The following PRSS23 variants were observed in gnomAD, a reference collection of about 807,000 sequenced individuals.
PRSS23 encodes the protein protease, serine 23.
A neutral mutation model predicts 34.7 loss-of-function variants in PRSS23; 25 were observed. The ratio of observed to expected loss-of-function variants is 0.72; its 90% confidence interval spans 0.53 to 1.01. The LOEUF is 1.01. Among genes scored for constraint, PRSS23 ranks in the 50% least tolerant of loss-of-function variants. The pLI, the probability that PRSS23 is intolerant of heterozygous loss-of-function variation, is 0.00. For synonymous variants in PRSS23, 176 were observed against 186.6 expected, an observed-to-expected ratio of 0.94 and a Z score of 0.46; for missense variants, 445 against 475.6, an observed-to-expected ratio of 0.94 and a Z score of 0.60.
chr11:86,815,153 T>C (rs530506131), downstream of PRSS23, among the ~76,000 whole-genome samples: 7 of 152,308 alleles, frequency 4.6e-5, no homozygotes, highest in East Asian at 9.6e-4. Context: ...GCAGCAGCCG[T>C]GGGAACAGCA....
intron 2 of PRSS23, among the ~76,000 whole-genome samples, chr11:86,866,857 TAC>T (rs145430726): frequency 0.11 from 17,177 of 152,206 alleles, 1,268 homozygotes; most frequent in Non-Finnish European, 0.16. Context: ...GATCTCCACA[TAC>T]ACCAGCTCCC....
chr11:86,808,934 ATTTC>A lies in PRSS23; in HGVS notation c.*142_*145del, dbSNP rs1326131374. On this transcript the variant is annotated 3_prime_UTR_variant, in exon 2 of 2. Transcript: ENST00000280258. ...TAAGGTGTCTTATAATCTTTTACCTATTTCTTACAATTGCAAGATGACTGGCTTT... is the reference window on the plus strand; with the variant it reads ...TAAGGTGTCTTATAATCTTTTACCTATTACAATTGCAAGATGACTGGCTTT... 2.9e-6 allele frequency: 2 copies of A among 697,950 alleles called. No individual in the cohort carries two copies. Among genetic ancestry groups the A allele is most frequent in the African/African-American group, 1.8e-5 (1 of 55,604 alleles). The allele number at this position is 697,950 out of a possible 1,614,324, so 43.2% of individuals were successfully genotyped here. A position where few individuals can be genotyped will look rare whatever the true frequency, so the allele number is the denominator to read the frequency against.
At chr11:86,822,224 A>G (rs1948257522) in intron 1 of PRSS23, among the ~76,000 whole-genome samples, 1 of 152,182 alleles carries the variant, frequency 6.6e-6, no homozygotes, top group African/African-American at 2.4e-5. Context: ...GTAATTTTCC[A>G]TCCCATATGC....
chr11:86,920,406 C>G (rs540620062), intron 2 of PRSS23, among the ~76,000 whole-genome samples: 2 of 152,142 alleles, frequency 1.3e-5, no homozygotes, highest in Non-Finnish European at 2.9e-5. Context: ...TTTTCAAGAC[C>G]CTGTTCTTGT....
chr11:86,831,744 A>G (rs568987568), intron 2 of PRSS23, among the ~76,000 whole-genome samples: 6 of 151,904 alleles, frequency 3.9e-5, no homozygotes, highest in Admixed American at 3.9e-4. Context: ...TACCAATGTC[A>G]TAATGCTTGT....
At chr11:86,903,079 C>T (rs972160173) in intron 2 of PRSS23, among the ~76,000 whole-genome samples, 2 of 152,152 alleles carry the variant, frequency 1.3e-5, no homozygotes, top group Non-Finnish European at 2.9e-5. Flanking sequence ...ACTTTTCCTG[C>T]TACCATTTGA....
chr11:86,881,531 T>G (rs1237126999), intron 2 of PRSS23, among the ~76,000 whole-genome samples: 3 of 152,180 alleles, frequency 2.0e-5, no homozygotes, highest in Non-Finnish European at 4.4e-5. Flanking sequence ...TGCACCTACA[T>G]TCATAAGAGA....
intron 2 of PRSS23, among the ~76,000 whole-genome samples, chr11:86,825,556 A>C (rs61906677): frequency 2.7e-5 from 4 of 150,090 alleles, no homozygotes; most frequent in South Asian, 2.1e-4. Context: ...GTCCTTGCCC[A>C]TGCCTATGTC....
chr11:86,840,479 G>C (rs1325242607), intron 2 of PRSS23, among the ~76,000 whole-genome samples: 10 of 152,078 alleles, frequency 6.6e-5, no homozygotes, highest in Non-Finnish European at 1.3e-4. Flanking sequence ...AGTCCTTAGA[G>C]ACCTACAAAG....
At chr11:86,855,953 T>G (rs1431989426) in intron 2 of PRSS23, among the ~76,000 whole-genome samples, 3 of 152,220 alleles carry the variant, frequency 2.0e-5, no homozygotes, top group Non-Finnish European at 4.4e-5. Context: ...GAATAATACA[T>G]CATTGTGTGT....
chr11:86,926,652 C>T (rs996558949), intron 2 of PRSS23, among the ~76,000 whole-genome samples: 7 of 152,130 alleles, frequency 4.6e-5, no homozygotes, highest in African/African-American at 1.7e-4. Context: ...CTATGCATCT[C>T]TTATGTTGGG....
At chr11:86,827,685 T>C (rs1445674674) in intron 2 of PRSS23, among the ~76,000 whole-genome samples, 10 of 152,374 alleles carry the variant, frequency 6.6e-5, no homozygotes, top group African/African-American at 1.9e-4. Flanking sequence ...GAGATTCTGG[T>C]ATGTTGTGTC....
At chr11:86,910,094 AT>A (rs1401302744) in intron 2 of PRSS23, 1 of 152,228 alleles carries the variant, frequency 6.6e-6, no homozygotes, top group Non-Finnish European at 1.5e-5. Flanking sequence ...ACCATAGAAA[AT>A]AGAAGATCAT....
chr11:86,800,334 T>A (rs1006743007), upstream of PRSS23: 48 of 583,210 alleles, frequency 8.2e-5, no homozygotes, highest in Non-Finnish European at 1.0e-4. Context: ...GGGGCCCACC[T>A]GCGCAGGGAC....
intron 2 of PRSS23, among the ~76,000 whole-genome samples, chr11:86,914,888 A>C (rs1949002022): frequency 6.6e-6 from 1 of 152,262 alleles, no homozygotes; most frequent in South Asian, 2.1e-4. Context: ...AGAGCATCTC[A>C]GATTTTGAAA....
intron 2 of PRSS23, among the ~76,000 whole-genome samples, chr11:86,852,699 C>T (rs1948538922): frequency 6.6e-6 from 1 of 152,138 alleles, no homozygotes; most frequent in Admixed American, 6.5e-5. Context: ...ATCTCCAGAA[C>T]AGTTTTATCT....
At chr11:86,836,754 T>A (rs918043077) in intron 2 of PRSS23, 1 of 152,176 alleles carries the variant, frequency 6.6e-6, no homozygotes, top group African/African-American at 2.4e-5. Flanking sequence ...CTGTCAATGG[T>A]CAAGCATACC....
intron 2 of PRSS23, among the ~76,000 whole-genome samples, chr11:86,942,506 G>A (rs1949213492): frequency 6.6e-6 from 1 of 152,202 alleles, no homozygotes; most frequent in Non-Finnish European, 1.5e-5. Context: ...CATTGATAAT[G>A]CAGGCTTTCC....
intron 2 of PRSS23, among the ~76,000 whole-genome samples, chr11:86,855,249 C>T (rs1027406535): frequency 7.3e-5 from 11 of 151,662 alleles, no homozygotes; most frequent in Middle Eastern, 3.2e-3. Flanking sequence ...GTGATTGGAG[C>T]GGAAAGGTAA....
Sources: allele counts gnomAD v4.1 joint callset (sites outside exome capture counted in the v4.1 genomes callset), GRCh38; gene constraint gnomAD v4.1.1; transcripts MANE v1.5; gene names NCBI Gene and HGNC (gene_info 2026-07-23, HGNC 2026-07-21).